Variants in GLDN observed in about 807,000 individuals in gnomAD.
GLDN encodes gliomedin.
In GLDN, 47 loss-of-function variants were observed where a neutral mutation model predicts 56.5. The observed-to-expected ratio is 0.83, with a 90% CI of 0.66 to 1.06. The LOEUF (loss-of-function observed/expected upper bound fraction) is 1.06, where lower values mean the gene tolerates loss of function less well. GLDN is among the 50% of genes least tolerant of loss of function. GLDN has a pLI of 0.00. For missense variants in GLDN, 782 were observed against 714.3 expected, an observed-to-expected ratio of 1.09 and a Z score of -1.08; for synonymous variants, 332 against 278.8, an observed-to-expected ratio of 1.19 and a Z score of -1.90.
At chr15:51,345,137 C>T (rs1832117813) in intron 1 of GLDN, among the ~76,000 whole-genome samples, 1 of 152,176 alleles carries the variant, frequency 6.6e-6, no homozygotes, top group South Asian at 2.1e-4. Flanking sequence ...CTGACCTCCT[C>T]TCATATTCTT....
rs910017303 is a variant in GLDN, at chr15:51,389,208, C to T, written c.541+5316C>T. On this transcript the variant is annotated intron_variant, in intron 4 of 9. Transcript: ENST00000335449. ...ATGGTTTCTGGTTTTAAATACTCCA[C>T]TATAGTGTTGGTCAATGAAGGCAGG... 6.6e-5 allele frequency among the ~76,000 whole-genome samples: 10 copies of T among 152,194 alleles called. 1 individual carries two copies. The highest frequency in any genetic ancestry group is 5.9e-4 in the Admixed American group (9 of 15,286).
chr15:51,393,309 G>A (rs2038059730), intron 4 of GLDN, among the ~76,000 whole-genome samples: 1 of 152,208 alleles, frequency 6.6e-6, no homozygotes, highest in Admixed American at 6.5e-5. Context: ...TTAGAAACTT[G>A]TGTTGAAACT....
chr15:51,368,738 G>A (rs1335759576), intron 1 of GLDN, among the ~76,000 whole-genome samples: 5 of 152,184 alleles, frequency 3.3e-5, no homozygotes, highest in East Asian at 1.9e-4. Context: ...AGGAGGAAGC[G>A]TTTTGGCCTG....
intron 4 of GLDN, among the ~76,000 whole-genome samples, chr15:51,391,895 C>A (rs2038029871): frequency 6.6e-6 from 1 of 152,212 alleles, no homozygotes; most frequent in African/African-American, 2.4e-5. Flanking sequence ...GTGGTGAGGA[C>A]CCTGGGGCTT....
chr15:51,353,569 C>T (rs973218287), intron 1 of GLDN, among the ~76,000 whole-genome samples: 1 of 152,032 alleles, frequency 6.6e-6, no homozygotes, highest in Non-Finnish European at 1.5e-5. Context: ...AATTTGTATG[C>T]TGGCATTTGG....
chr15:51,390,299 G>A (rs1221898285), intron 4 of GLDN, among the ~76,000 whole-genome samples: 1 of 152,200 alleles, frequency 6.6e-6, no homozygotes, highest in Non-Finnish European at 1.5e-5. Context: ...AGTCGGGAAG[G>A]AGAAACTTTA....
intron 8 of GLDN, 55 bp from the exon 9 acceptor site, chr15:51,401,538 C>G (rs2038249356): frequency 1.3e-6 from 2 of 1,547,798 alleles, no homozygotes; most frequent in South Asian, 1.2e-5. Flanking sequence ...GACTCCCTCC[C>G]AAGCTGTGAT....
At chr15:51,402,747 C>T (rs1393717498) in intron 9 of GLDN, among the ~76,000 whole-genome samples, 4 of 152,204 alleles carry the variant, frequency 2.6e-5, no homozygotes, top group African/African-American at 4.8e-5. Flanking sequence ...GGGCGAGTTT[C>T]CTAGTGTAAT....
intron 1 of GLDN, among the ~76,000 whole-genome samples, chr15:51,348,357 A>G (rs1325862090): frequency 6.6e-6 from 1 of 151,524 alleles, no homozygotes; most frequent in Non-Finnish European, 1.5e-5. Context: ...TTTAGAGACA[A>G]GGTCTTACAG....
intron 6 of GLDN, 103 bp downstream of exon 6, chr15:51,397,701 G>A (rs1193137450): frequency 7.7e-7 from 1 of 1,306,090 alleles, no homozygotes; most frequent in Non-Finnish European, 9.9e-7. Flanking sequence ...ATAGAGGGAG[G>A]AGGGTTTTGT....
intron 6 of GLDN, among the ~76,000 whole-genome samples, 160 bp downstream of exon 6, chr15:51,397,758 G>T (rs1370640151): frequency 1.3e-5 from 2 of 152,134 alleles, no homozygotes; most frequent in East Asian, 1.9e-4. Context: ...GGAGTTCTTT[G>T]TAGTCTGCCC....
intron 2 of GLDN, among the ~76,000 whole-genome samples, chr15:51,381,709 A>G (rs2037764332): frequency 6.6e-6 from 1 of 151,770 alleles, no homozygotes; most frequent in Non-Finnish European, 1.5e-5. Flanking sequence ...ACAATTCTAC[A>G]GTCAGCTCAT....
chr15:51,383,958 C>T (rs768633436), intron 4 of GLDN, 66 bp downstream of exon 4: 4 of 1,209,578 alleles, frequency 3.3e-6, no homozygotes, highest in Middle Eastern at 1.9e-4. Flanking sequence ...TTTGGGTCGA[C>T]TAAAACTGTG....
chr15:51,352,382 T>C (rs140612424), intron 1 of GLDN, among the ~76,000 whole-genome samples: 29 of 152,292 alleles, frequency 1.9e-4, no homozygotes, highest in African/African-American at 6.7e-4. Flanking sequence ...CATTGATGAT[T>C]AGGTTTCAAT....
intron 1 of GLDN, among the ~76,000 whole-genome samples, chr15:51,367,213 A>G (rs889770718): frequency 3.9e-5 from 6 of 152,216 alleles, no homozygotes; most frequent in Non-Finnish European, 8.8e-5. Context: ...GGTGGGGGAA[A>G]TCCTCCTTCG....
intron 1 of GLDN, chr15:51,368,974 C>G (rs1463392579): frequency 1.3e-5 from 2 of 152,214 alleles, no homozygotes; most frequent in Non-Finnish European, 2.9e-5. Flanking sequence ...AAACTGTGGC[C>G]TCCAGTTTTA....
chr15:51,386,621 T>C (rs1052492161), intron 4 of GLDN, among the ~76,000 whole-genome samples: 1 of 152,110 alleles, frequency 6.6e-6, no homozygotes. Context: ...GGCTGCTGCA[T>C]GGAGAGCGCA....
chr15:51,407,326 G>A lies in GLDN; in HGVS notation c.*2572G>A, dbSNP rs1452591873. Reference sequence around the variant, plus strand: ...ACTTGATTTTTTAAAGAAGTTTTGGGCTCACTGCTAAAATAGAGTATACAA... The same window carrying A: ...ACTTGATTTTTTAAAGAAGTTTTGGACTCACTGCTAAAATAGAGTATACAA... On this transcript the variant is annotated 3_prime_UTR_variant, in exon 10 of 10. Coordinates refer to ENST00000335449, the MANE Select transcript of GLDN (RefSeq NM_181789.4). 3.3e-5 allele frequency: 5 copies of A among 152,030 alleles called. No individual in the cohort carries two copies. The highest frequency in any genetic ancestry group is 2.0e-4 in the Admixed American group (3 of 15,262). 9.4% of individuals were successfully genotyped at this position (152,030 alleles called of 1,614,324 possible).
chr15:51,383,595 G>A, intron 3 of GLDN, 142 bp downstream of exon 3: 1 of 1,099,964 alleles, frequency 9.1e-7, no homozygotes, highest in Non-Finnish European at 1.4e-6. Flanking sequence ...CCCCTCACCT[G>A]AGGCTCTGCC....
Sources: allele counts gnomAD v4.1 joint callset (sites outside exome capture counted in the v4.1 genomes callset), GRCh38; gene constraint gnomAD v4.1.1; transcripts MANE v1.5; gene names NCBI Gene and HGNC (gene_info 2026-07-23, HGNC 2026-07-21).